The following ZNF668 variants were observed in gnomAD, a reference collection of about 807,000 sequenced individuals.
The protein encoded by ZNF668 is zinc finger protein 668.
In ZNF668, 10 loss-of-function variants were observed where a neutral mutation model predicts 40.3. The observed-to-expected ratio is 0.25, with a 90% CI of 0.15 to 0.42. The LOEUF (loss-of-function observed/expected upper bound fraction) is 0.42. Ranked by LOEUF, ZNF668 falls within the 10% of genes least tolerant of loss-of-function variation. The pLI is 1.00. For synonymous variants in ZNF668, 428 were observed against 384.6 expected, an observed-to-expected ratio of 1.11 and a Z score of -1.32; for missense variants, 749 against 904.6, an observed-to-expected ratio of 0.83 and a Z score of 2.21.
intron 1 of ZNF668, among the ~76,000 whole-genome samples, chr16:31,066,540 TG>T (rs2056982712): frequency 6.6e-6 from 1 of 151,848 alleles, no homozygotes; most frequent in African/African-American, 2.4e-5. Flanking sequence ...CTGGGCAACC[TG>T]GTGAGACCCC....
rs769189704 is a variant in ZNF668 at position 31,062,100 on chromosome 16, C to T, written c.828G>A (p.Gly276=). 3.1e-6 allele frequency: 5 copies of T among 1,613,654 alleles called. No homozygotes were observed. The highest frequency in any genetic ancestry group is 1.3e-5 in the African/African-American group (1 of 74,920). The part of the protein sequence containing the change: ...SYQSHERTHS[G]EKPFLCPRCG... ...AGCGCGGGCACAGGAAGGGCTTCTC[C>T]CCCGAGTGCGTGCGCTCGTGGCTCT... Residue 276 remains glycine (G), a synonymous_variant, in exon 3 of 3, where the codon GGG becomes GGA. Coordinates refer to ENST00000300849, the MANE Select transcript of ZNF668 (RefSeq NM_024706.5).
intron 1 of ZNF668, among the ~76,000 whole-genome samples, chr16:31,072,277 T>C (rs1347631722): frequency 2.0e-5 from 3 of 152,116 alleles, no homozygotes; most frequent in Non-Finnish European, 2.9e-5. Context: ...CCAAAACAAA[T>C]GGAAAGAACC....
rs761240259 is a variant in ZNF668 at position 31,061,998 on chromosome 16, G to A, written c.930C>T (p.Cys310=). The change falls in exon 3 of 3, where the codon TGC becomes TGT. Residue 310 remains cysteine, a synonymous_variant. Coordinates refer to ENST00000300849, the MANE Select transcript of ZNF668 (RefSeq NM_024706.5). This position sits in a 1 kb window ranked among gnomAD's most constrained non-coding sequence, Gnocchi z 7.7. ...GCCGGAAGTCCTTGCCGCACTTCTC[G>A]CAGTGGTATGGCTTCACCCCTTCAT... ...RAHEGVKPYH[C]EKCGKDFRQP... 1.8e-5 allele frequency: 29 copies of A among 1,613,694 alleles called. No homozygotes were observed. The African/African-American group carries it at 3.3e-4, about 19-fold the overall frequency.
intron 1 of ZNF668, among the ~76,000 whole-genome samples, chr16:31,070,438 C>T (rs1357379292): frequency 6.7e-6 from 1 of 150,356 alleles, no homozygotes; most frequent in South Asian, 2.1e-4. Context: ...GAACTCCTGA[C>T]CTCAAGTGAT....
chr16:31,062,394 A>T, intron 2 of ZNF668, 114 bp from the exon 3 acceptor site: 3 of 1,410,646 alleles, frequency 2.1e-6, no homozygotes. Context: ...CCTAGGCTTA[A>T]TCCCCTAAGA....
intron 2 of ZNF668, 43 bp downstream of exon 2, chr16:31,063,770 C>A (rs771438155): frequency 2.7e-6 from 4 of 1,484,460 alleles, no homozygotes; most frequent in South Asian, 1.3e-5. Context: ...GCAACGCTGT[C>A]GCCCTGCCCC....
At chr16:31,063,156 C>A (rs2056948620) in intron 2 of ZNF668, among the ~76,000 whole-genome samples, 1 of 152,246 alleles carries the variant, frequency 6.6e-6, no homozygotes, top group South Asian at 2.1e-4. Context: ...GTGTCCTCCG[C>A]CTTTTTTTTC....
chr16:31,066,675 GC>G (rs1028372673), intron 1 of ZNF668, among the ~76,000 whole-genome samples: 29 of 151,214 alleles, frequency 1.9e-4, no homozygotes, highest in African/African-American at 6.8e-4. Context: ...CTGCACTCCA[GC>G]CTGGGAGACA....
At chr16:31,062,418 AC>A in intron 2 of ZNF668, 138 bp from the exon 3 acceptor site, 1 of 1,238,822 alleles carries the variant, frequency 8.1e-7, no homozygotes, top group Non-Finnish European at 1.1e-6. Flanking sequence ...ACATGGCTGC[AC>A]CCCAGAGGAA....
rs757309239 is a variant in ZNF668, at chr16:31,064,219, G to T, written c.241C>A (p.Pro81Thr). Residue 81 changes from proline to threonine, a missense_variant, in exon 2 of 3, where the codon CCT becomes ACT. Pro to Thr is a conservative substitution (Grantham distance 38). Around this residue, in one of 4 missense-constraint regions of ZNF668, gnomAD observed 159 missense variants for 139.8 expected, o/e 1.14. Transcript: ENST00000300849. ...GEKVSGSAAKPRPYACPLCPK... is the reference protein window; with the variant it reads ...GEKVSGSAAKTRPYACPLCPK... ...CATAGCGGACACGCATAGGGCCTAG[G>T]CTTGGCCGCGGAGCCTGACACCTTC... 2 of 1,613,020 alleles carry T rather than the reference G, an allele frequency of 1.2e-6. No homozygotes were observed. The highest frequency in any genetic ancestry group is 1.3e-5 in the African/African-American group (1 of 74,954).
At position 31,064,192 on chromosome 16, in the gene ZNF668, G is replaced by A. The variant is rs766868170; in HGVS notation, c.268C>T (p.Pro90Ser). The A allele has an allele frequency of 1.9e-6, 3 of 1,612,178 alleles. No individual in the cohort carries two copies. In the African/African-American group the frequency reaches 4.0e-5, roughly 22 times the overall value. Residue 90 changes from proline (P) to serine (S), a missense_variant, in exon 2 of 3, where the codon CCC becomes TCC. Physicochemically the swap from Pro to Ser is moderately conservative, Grantham distance 74. This residue lies in a region of ZNF668 where 159 missense variants were observed against 139.8 expected (regional missense o/e 1.14). Coordinates refer to ENST00000300849, the MANE Select transcript of ZNF668 (RefSeq NM_024706.5). The stretch of plus-strand genomic sequence containing the variant: ...TCGGGTGCCGTCTTGTAGGCCTTGG[G>A]GCATAGCGGACACGCATAGGGCCTA... ...KPRPYACPLC[P>S]KAYKTAPELR... is the part of the protein sequence containing the mutation.
At chr16:31,069,870 G>A (rs2057003142) in intron 1 of ZNF668, among the ~76,000 whole-genome samples, 1 of 125,514 alleles carries the variant, frequency 8.0e-6, no homozygotes, top group Non-Finnish European at 1.6e-5. Flanking sequence ...CGCCTCCCGG[G>A]TTCATGCCAT....
rs1329143589 is a variant in ZNF668, at chr16:31,062,478, C to A, written c.648-198G>T. Reference sequence around the variant, plus strand: ...TCTCTATTCCAAAGACCTGTCTCTGCACATTAAAGACCAAGATATGGGCCG... The same window carrying A: ...TCTCTATTCCAAAGACCTGTCTCTGAACATTAAAGACCAAGATATGGGCCG... On this transcript the variant is annotated intron_variant, in intron 2 of 2. Transcript: ENST00000300849. 11 of 731,006 alleles carry A rather than the reference C, an allele frequency of 1.5e-5. No homozygotes were observed. In the African/African-American group the frequency reaches 1.8e-4, roughly 12 times the overall value. The allele number at this position is 731,006 out of a possible 1,614,324, so 45.3% of individuals were successfully genotyped here.
intron 2 of ZNF668, chr16:31,062,495 T>G: frequency 1.6e-6 from 1 of 633,400 alleles, no homozygotes. Context: ...AAGACCAAGA[T>G]ATGGGCCGGG....
chr16:31,064,876 G>A lies in ZNF668; in HGVS notation c.-22-395C>T. 2.8e-6 allele frequency: 4 copies of A among 1,422,800 alleles called. No individual in the cohort carries two copies. The South Asian group carries it at 6.2e-5, about 22-fold the overall frequency. The allele number at this position is 1,422,800 out of a possible 1,614,324, so 88.1% of individuals were successfully genotyped here. ...TACCCAGACGTGGGCCTGGCCTGAA[G>A]GTCTCCAAGCGCCCAGAAAAGACAG... On this transcript the variant is annotated intron_variant, in intron 1 of 2. Transcript: ENST00000300849.
Position 31,061,659 on chromosome 16 carries a change from G to A in ZNF668, c.1269C>T (p.Pro423=), listed in dbSNP as rs150434579. 2.5e-6 allele frequency: 4 copies of A among 1,613,020 alleles called. No individual in the cohort carries two copies. The Admixed American group carries it at 5.0e-5, about 20-fold the overall frequency. Residue 423 remains proline, a synonymous_variant, in exon 3 of 3, where the codon CCC becomes CCT. Coordinates refer to ENST00000300849, the MANE Select transcript of ZNF668 (RefSeq NM_024706.5). This position sits in a 1 kb window ranked among gnomAD's most constrained non-coding sequence, Gnocchi z 7.7. The stretch of plus-strand genomic sequence containing the variant: ...ACCCCACCACCAGCTCCTGTGCAGG[G>A]GGCACACCCGCGGCCTCACTGCTTC... ...THRSSEAAGV[P]PAQELVVGLA...
chr16:31,064,850 G>A (rs573066681), intron 1 of ZNF668: 4 of 1,436,246 alleles, frequency 2.8e-6, no homozygotes, highest in South Asian at 1.5e-5. Context: ...GATAAAGAGT[G>A]TACCCAGACG....
rs971908160 is a variant in ZNF668 at position 31,073,719 on chromosome 16, G to A, written c.-83C>T. ...TCGGCTCCTCGCACCGACGGAGCCC[G>A]GACCCTGCCAAACAGGGGCCGGCGC... On this transcript the variant is annotated 5_prime_UTR_variant, in exon 1 of 3. Coordinates refer to ENST00000300849, the MANE Select transcript of ZNF668 (RefSeq NM_024706.5). 2.6e-5 allele frequency: 4 copies of A among 152,310 alleles called. No homozygotes were observed. Among genetic ancestry groups the A allele is most frequent in the Non-Finnish European group, 5.9e-5 (4 of 68,060 alleles). The allele number at this position is 152,310 out of a possible 1,614,324, so 9.4% of individuals were successfully genotyped here. A position where few individuals can be genotyped will look rare whatever the true frequency, so the allele number is the denominator to read the frequency against.
chr16:31,072,820 T>G (rs1359989153), intron 1 of ZNF668: 1 of 152,322 alleles, frequency 6.6e-6, no homozygotes, highest in Non-Finnish European at 1.5e-5. Context: ...ATCCTCCACC[T>G]CTAGATGCAG....
Sources: gnomAD v4.1 joint callset for allele counts (sites outside exome capture counted in the v4.1 genomes callset) on GRCh38, gnomAD v4.1.1 for gene constraint, gnomAD v4.1.1 regional missense constraint, Gnocchi (gnomAD v3.1) non-coding constraint, MANE v1.5 for transcripts, NCBI Gene and HGNC (gene_info 2026-07-23, HGNC 2026-07-21) for gene names.